Variants in ADGRG2 observed in about 807,000 individuals in gnomAD.
ADGRG2 encodes adhesion G protein-coupled receptor G2.
A neutral mutation model predicts 74.1 loss-of-function variants in ADGRG2; 26 were observed. That is an observed-to-expected ratio of 0.35 (90% CI 0.26 to 0.49). ADGRG2 has a LOEUF of 0.49. ADGRG2 is among the 20% of genes least tolerant of loss of function. ADGRG2 has a pLI of 0.99. For synonymous variants in ADGRG2, 296 were observed against 295.2 expected, an observed-to-expected ratio of 1.00 and a Z score of -0.03; for missense variants, 619 against 763.1, an observed-to-expected ratio of 0.81 and a Z score of 2.22.
At chrX:19,100,158 C>T (rs908908430) in intron 1 of ADGRG2, among the ~76,000 whole-genome samples, 4 of 112,726 alleles carry the variant, frequency 3.5e-5, no homozygotes, top group East Asian at 5.6e-4. Flanking sequence ...TCATAACAAA[C>T]ACTACTTCAA....
At chrX:19,034,906 C>T (rs1051684281) in intron 7 of ADGRG2, 1 of 109,941 alleles carries the variant, frequency 9.1e-6, no homozygotes, top group African/African-American at 3.3e-5. Flanking sequence ...TGCACTCCAG[C>T]CTGGATGACA....
At chrX:19,049,326 A>G (rs2061259798) in intron 3 of ADGRG2, among the ~76,000 whole-genome samples, 1 of 111,018 alleles carries the variant, frequency 9.0e-6, no homozygotes, top group Non-Finnish European at 1.9e-5. Context: ...GTTTATCCAT[A>G]TGCGGACATC....
Position 19,007,965 on chromosome X carries a change from G to GAGC in ADGRG2, c.1566+12_1566+14dup, listed in dbSNP as rs1280216840. 1 of 1,193,003 alleles carries GAGC rather than the reference G, an allele frequency of 8.4e-7. No homozygotes were observed. The highest frequency in any genetic ancestry group is 1.8e-5 in the African/African-American group (1 of 56,621). ...AAATAAAGCCCAAGCCAAAAGCAGT[G>GAGC]AGCAGCAGTTTTACCTGAAACAAAG... On this transcript the variant is annotated intron_variant, in intron 19 of 28. Transcript: ENST00000379869.
rs146502278 is a variant in ADGRG2, at chrX:19,019,786, A to C, written c.644-121T>G. On this transcript the variant is annotated intron_variant, in intron 14 of 28. Coordinates refer to ENST00000379869, the MANE Select transcript of ADGRG2 (RefSeq NM_001079858.3). Reference sequence around the variant, plus strand: ...CTGCATTTAAAAGAGCAATTGTCTAAAACAGGTGATAAAATAGATTGGACG... The same window carrying C: ...CTGCATTTAAAAGAGCAATTGTCTACAACAGGTGATAAAATAGATTGGACG... The C allele has an allele frequency of 1.9e-4, 88 of 455,022 alleles. No homozygotes were observed. In the East Asian group the frequency reaches 3.1e-3, roughly 16 times the overall value. 37.5% of individuals were successfully genotyped at this position (455,022 alleles called of 1,213,427 possible). A position where few individuals can be genotyped will look rare whatever the true frequency, so the allele number is the denominator to read the frequency against.
At chrX:19,039,643 T>C (rs1484448893) in intron 4 of ADGRG2, among the ~76,000 whole-genome samples, 1 of 111,851 alleles carries the variant, frequency 8.9e-6, no homozygotes, top group Admixed American at 9.5e-5. Flanking sequence ...CAGGGCTGGG[T>C]CACTTTATCC....
chrX:19,113,095 C>G (rs1329458111), intron 1 of ADGRG2, among the ~76,000 whole-genome samples: 1 of 108,243 alleles, frequency 9.2e-6, no homozygotes, highest in Non-Finnish European at 1.9e-5. Flanking sequence ...CAACTCTAAA[C>G]CTGCCGGTGC....
chrX:19,108,742 G>A, intron 1 of ADGRG2, among the ~76,000 whole-genome samples: 1 of 111,703 alleles, frequency 9.0e-6, no homozygotes. Flanking sequence ...GTCACCCTTG[G>A]GGGGCAGTGA....
chrX:19,104,166 T>C (rs1488876408), intron 1 of ADGRG2, among the ~76,000 whole-genome samples: 1 of 110,447 alleles, frequency 9.1e-6, no homozygotes, highest in Non-Finnish European at 1.9e-5. Context: ...TGTAAAGGTC[T>C]GAGAAGGACT....
chrX:19,072,976 G>A (rs1317912994), intron 2 of ADGRG2, among the ~76,000 whole-genome samples: 1 of 111,666 alleles, frequency 9.0e-6, no homozygotes, highest in African/African-American at 3.3e-5. Context: ...ATATAGTTTG[G>A]ATACGTGTCC....
chrX:18,998,786 TTAA>T (rs1177010970), intron 26 of ADGRG2, among the ~76,000 whole-genome samples: 1 of 111,097 alleles, frequency 9.0e-6, no homozygotes, highest in Non-Finnish European at 1.9e-5. Context: ...AATTGCACAC[TTAA>T]TAGACTATAG....
At chrX:19,079,994 T>G (rs2061818646) in intron 2 of ADGRG2, among the ~76,000 whole-genome samples, 1 of 105,680 alleles carries the variant, frequency 9.5e-6, no homozygotes, top group South Asian at 4.6e-4. Flanking sequence ...CACCGCAACC[T>G]CCACCTCCCG....
At chrX:19,072,023 C>T (rs1339998477) in intron 2 of ADGRG2, among the ~76,000 whole-genome samples, 1 of 110,867 alleles carries the variant, frequency 9.0e-6, no homozygotes, top group Non-Finnish European at 1.9e-5. Context: ...CACCTATCCT[C>T]GAACCCTCGT....
chrX:19,072,897 T>G (rs2061676658), intron 2 of ADGRG2, among the ~76,000 whole-genome samples: 1 of 111,691 alleles, frequency 9.0e-6, no homozygotes, highest in Non-Finnish European at 1.9e-5. Context: ...CAAAGGGCAA[T>G]CTGTGAAGTT....
At chrX:19,100,902 C>A (rs970157623) in intron 1 of ADGRG2, among the ~76,000 whole-genome samples, 1 of 113,288 alleles carries the variant, frequency 8.8e-6, no homozygotes, top group South Asian at 3.5e-4. Context: ...GCAAACTCAG[C>A]TTTGCGATTC....
At chrX:19,093,902 TACACACACACAC>T (rs61296210) in intron 1 of ADGRG2, among the ~76,000 whole-genome samples, 25,923 of 99,799 alleles carry the variant, frequency 0.26, 2,527 homozygotes, top group East Asian at 0.44. Context: ...TATGTAGGTA[TACACACACACAC>T]ACACACACAC....
intron 2 of ADGRG2, among the ~76,000 whole-genome samples, chrX:19,074,239 TATTA>T (rs1686364607): frequency 9.1e-6 from 1 of 110,460 alleles, no homozygotes; most frequent in Admixed American, 9.6e-5. Context: ...TTCTTATTAT[TATTA>T]ATTATTTATT....
At chrX:19,046,734 G>C (rs1012660447) in intron 3 of ADGRG2, among the ~76,000 whole-genome samples, 6 of 111,857 alleles carry the variant, frequency 5.4e-5, no homozygotes, top group Admixed American at 9.5e-5. Context: ...CCGATGAACA[G>C]AGCCACAAGG....
Position 18,999,566 on chromosome X carries a change from C to G in ADGRG2, c.2331-287G>C, listed in dbSNP as rs189316700. On this transcript the variant is annotated intron_variant, in intron 25 of 28. Transcript: ENST00000379869. ...ATCCTAGCAACTCTGTTCTATGAGTCTTTATTAATATAACTGGAATGTCAT... is the reference window on the plus strand; with the variant it reads ...ATCCTAGCAACTCTGTTCTATGAGTGTTTATTAATATAACTGGAATGTCAT... Among the ~76,000 whole-genome samples the G allele has an allele frequency of 1.2e-3, 137 of 111,692 alleles. 1 individual carries two copies. Among genetic ancestry groups the G allele is most frequent in the Admixed American group, 9.5e-4 (10 of 10,505 alleles).
At chrX:19,070,207 A>G (rs1260326618) in intron 2 of ADGRG2, among the ~76,000 whole-genome samples, 2 of 112,613 alleles carry the variant, frequency 1.8e-5, no homozygotes, top group Non-Finnish European at 3.8e-5. Context: ...TCATCAGTAC[A>G]TTGCATTTCC....
Sources: allele counts gnomAD v4.1 joint callset (sites outside exome capture counted in the v4.1 genomes callset), GRCh38; gene constraint gnomAD v4.1.1; transcripts MANE v1.5; gene names NCBI Gene and HGNC (gene_info 2026-07-23, HGNC 2026-07-21).